Variants in ITFG1 observed in about 807,000 individuals in gnomAD.
ITFG1 encodes T-cell immunomodulatory protein.
A neutral mutation model predicts 81.8 loss-of-function variants in ITFG1; 34 were observed. The observed-to-expected ratio is 0.42, with a 90% CI of 0.32 to 0.55. The LOEUF is 0.55. Ranked by LOEUF, ITFG1 falls within the 20% of genes least tolerant of loss-of-function variation. The probability of loss-of-function intolerance (pLI) is 0.17; values close to 1 mark genes in which losing one functional copy is unlikely to be tolerated. For synonymous variants in ITFG1, 285 were observed against 270.6 expected (o/e 1.05, Z -0.52); for missense variants, 672 against 755.4 (o/e 0.89, Z 1.29).
chr16:47,263,117 A>G (rs548595436), intron 10 of ITFG1: 14 of 247,922 alleles, frequency 5.6e-5, no homozygotes, highest in African/African-American at 1.1e-4. Context: ...AGCTGCCTCC[A>G]AGCTGCCTGA....
intron 14 of ITFG1, among the ~76,000 whole-genome samples, chr16:47,176,953 CTTTT>C (rs746522529): frequency 7.4e-6 from 1 of 135,196 alleles, no homozygotes. Flanking sequence ...TCTTCTTCTT[CTTTT>C]TTTTTTTTTT....
intron 10 of ITFG1, among the ~76,000 whole-genome samples, chr16:47,298,235 T>TC (rs770574573): frequency 8.5e-5 from 13 of 152,198 alleles, no homozygotes; most frequent in Non-Finnish European, 1.8e-4. Context: ...ATTTGTTGAT[T>TC]CATCAGTACT....
Position 47,460,998 on chromosome 16 carries a change from C to A in ITFG1, c.48G>T (p.Pro16=), listed in dbSNP as rs764921477. 1.9e-6 allele frequency: 3 copies of A among 1,569,482 alleles called. No homozygotes were observed. The highest frequency in any genetic ancestry group is 2.4e-5 in the East Asian group (1 of 42,352). ...RLPSSWALFS[P]LLAGLALLGV... ...CCAGTAGTGCAAGCCCTGCGAGGAG[C>A]GGCGAGAAGAGGGCCCAGGAGCTCG... The change falls in exon 1 of 18, where the codon CCG becomes CCT. Residue 16 remains proline (P), a synonymous_variant. Transcript: ENST00000320640.
chr16:47,452,061 TGAAA>T (rs1023544285), intron 4 of ITFG1, among the ~76,000 whole-genome samples: 6 of 152,168 alleles, frequency 3.9e-5, no homozygotes, highest in Admixed American at 3.9e-4. Context: ...TACACAACTA[TGAAA>T]GAAATCTAGC....
chr16:47,346,486 G>T (rs569631599), intron 8 of ITFG1, among the ~76,000 whole-genome samples: 3 of 152,046 alleles, frequency 2.0e-5, no homozygotes, highest in Non-Finnish European at 4.4e-5. Context: ...ATCAATAAAG[G>T]GAAGAGTTAG....
intron 6 of ITFG1, among the ~76,000 whole-genome samples, chr16:47,408,025 C>G (rs962138720): frequency 6.6e-6 from 1 of 152,166 alleles, no homozygotes; most frequent in African/African-American, 2.4e-5. Context: ...ACATCTGGAG[C>G]TGAAATTCCA....
At position 47,158,843 on chromosome 16, in the gene ITFG1, A is replaced by G. The variant is rs770528623; in HGVS notation, c.1779+30T>C. On this transcript the variant is annotated intron_variant, in intron 17 of 17. Transcript: ENST00000320640. ...TATGTATTACTAGAATAAATTAACC[A>G]AAATTAATGCTTCCTTTAAATGAAC... is the stretch of plus-strand genomic sequence containing the variant. 3 of 1,261,824 alleles carry G rather than the reference A, an allele frequency of 2.4e-6. 1 individual carries two copies. In the South Asian group the frequency reaches 3.8e-5, roughly 16 times the overall value. The allele number at this position is 1,261,824 out of a possible 1,614,324, so 78.2% of individuals were successfully genotyped here.
Position 47,358,414 on chromosome 16 carries a change from A to G in ITFG1, c.802+7374T>C, listed in dbSNP as rs377221022. Among the ~76,000 whole-genome samples, 17 of 152,364 alleles carry G rather than the reference A, an allele frequency of 1.1e-4. No homozygotes were observed. The East Asian group carries it at 2.5e-3, about 22-fold the overall frequency. On this transcript the variant is annotated intron_variant, in intron 8 of 17. Transcript: ENST00000320640. ...TGCTAAATAACAGTAAATACTGTAGATAATGTATGTTGTTATCTACTGGTC... is the reference window on the plus strand; with the variant it reads ...TGCTAAATAACAGTAAATACTGTAGGTAATGTATGTTGTTATCTACTGGTC...
At chr16:47,198,049 AC>A (rs1227303086) in intron 14 of ITFG1, among the ~76,000 whole-genome samples, 2 of 152,242 alleles carry the variant, frequency 1.3e-5, no homozygotes, top group Admixed American at 1.3e-4. Flanking sequence ...GACTGTTATT[AC>A]GGATTGAAGT....
chr16:47,212,501 G>A (rs1463724391), intron 14 of ITFG1, among the ~76,000 whole-genome samples: 1 of 152,210 alleles, frequency 6.6e-6, no homozygotes, highest in Non-Finnish European at 1.5e-5. Flanking sequence ...ACAGGCATGA[G>A]CCATCCATCG....
chr16:47,187,355 C>G (rs1965234366), intron 14 of ITFG1, among the ~76,000 whole-genome samples: 1 of 152,002 alleles, frequency 6.6e-6, no homozygotes, highest in Non-Finnish European at 1.5e-5. Context: ...TACCTGACTT[C>G]AAACTATACT....
At chr16:47,234,301 T>C (rs1171062599) in intron 13 of ITFG1, among the ~76,000 whole-genome samples, 1 of 152,044 alleles carries the variant, frequency 6.6e-6, no homozygotes, top group Non-Finnish European at 1.5e-5. Flanking sequence ...AGCAGAGAGA[T>C]AGAAACTAAG....
intron 8 of ITFG1, among the ~76,000 whole-genome samples, chr16:47,331,538 G>C (rs1044813233): frequency 6.6e-6 from 1 of 152,120 alleles, no homozygotes; most frequent in African/African-American, 2.4e-5. Flanking sequence ...CCATTACAGT[G>C]AACGTTGATA....
At chr16:47,234,636 G>A (rs531499130) in intron 13 of ITFG1, among the ~76,000 whole-genome samples, 9 of 152,050 alleles carry the variant, frequency 5.9e-5, no homozygotes, top group African/African-American at 2.2e-4. Context: ...AATCAAAAAC[G>A]AAGAGAAAAT....
intron 6 of ITFG1, among the ~76,000 whole-genome samples, chr16:47,398,631 A>C (rs1968621473): frequency 6.6e-6 from 1 of 152,218 alleles, no homozygotes; most frequent in Non-Finnish European, 1.5e-5. Context: ...TCTAAAAATA[A>C]ATTAGACACC....
chr16:47,165,813 TCCAGCCTGG>T (rs1964881569), intron 14 of ITFG1, among the ~76,000 whole-genome samples: 2 of 152,118 alleles, frequency 1.3e-5, no homozygotes, highest in Non-Finnish European at 2.9e-5. Flanking sequence ...ACCACTGCAC[TCCAGCCTGG>T]GAGATAGAGT....
chr16:47,367,691 A>C (rs1325005026), intron 7 of ITFG1, among the ~76,000 whole-genome samples: 1 of 152,250 alleles, frequency 6.6e-6, no homozygotes, highest in African/African-American at 2.4e-5. Flanking sequence ...TAAGGAAATA[A>C]GATTTTTCAT....
intron 14 of ITFG1, among the ~76,000 whole-genome samples, chr16:47,205,331 G>C (rs1209583693): frequency 1.3e-5 from 2 of 152,130 alleles, no homozygotes; most frequent in Non-Finnish European, 2.9e-5. Flanking sequence ...AATCAAAAAT[G>C]CCTGCAGACA....
Position 47,314,574 on chromosome 16 carries a change from T to G in ITFG1, c.803-751A>C, listed in dbSNP as rs574163814. Among the ~76,000 whole-genome samples the G allele has an allele frequency of 2.6e-5, 4 of 152,270 alleles. No homozygotes were observed. In the East Asian group the frequency reaches 7.7e-4, roughly 29 times the overall value. On this transcript the variant is annotated intron_variant, in intron 8 of 17. Coordinates refer to ENST00000320640, the MANE Select transcript of ITFG1 (RefSeq NM_030790.5). The stretch of plus-strand genomic sequence containing the variant: ...CTGCTAAGGCCTACAGAGGTGAGGT[T>G]ATGGAGGAAGTTAGTAAGTTACTGA...
Sources: allele counts gnomAD v4.1 joint callset (sites outside exome capture counted in the v4.1 genomes callset), GRCh38; gene constraint gnomAD v4.1.1; transcripts MANE v1.5; gene names NCBI Gene and HGNC (gene_info 2026-07-23, HGNC 2026-07-21).